Variants in EMC3 observed in about 807,000 individuals in gnomAD.
EMC3 encodes the protein ER membrane protein complex subunit 3, also known as 30 kDa protein.
In EMC3, 13 loss-of-function variants were observed where a neutral mutation model predicts 36.6. The observed-to-expected ratio is 0.35, with a 90% CI of 0.23 to 0.56. The LOEUF (loss-of-function observed/expected upper bound fraction) is 0.56. Among genes scored for constraint, EMC3 ranks in the 20% least tolerant of loss-of-function variants. EMC3 has a pLI of 0.84. For synonymous variants in EMC3, 120 were observed against 111.9 expected (o/e 1.07, Z -0.46); for missense variants, 220 against 324.5 (o/e 0.68, Z 2.47).
At chr3:9,995,133 G>C in intron 1 of EMC3, among the ~76,000 whole-genome samples, 1 of 152,162 alleles carries the variant, frequency 6.6e-6, no homozygotes, top group Admixed American at 6.5e-5. Context: ...TGGAGTGACG[G>C]TATAAAGGGA....
At chr3:9,998,766 TG>T (rs746325895) in intron 1 of EMC3, among the ~76,000 whole-genome samples, 20 of 152,198 alleles carry the variant, frequency 1.3e-4, no homozygotes, top group South Asian at 6.2e-4. Flanking sequence ...TTGTTTGTTT[TG>T]TTTTTCAGAG....
intron 5 of EMC3, among the ~76,000 whole-genome samples, chr3:9,972,462 G>GAAA (rs34891720): frequency 1.3e-4 from 12 of 90,716 alleles, no homozygotes; most frequent in East Asian, 3.5e-4. Flanking sequence ...GAGTTTCAAT[G>GAAA]AAAAAAAAAA....
upstream of EMC3, chr3:9,988,043 C>T (rs2085999957): frequency 1.4e-6 from 1 of 694,680 alleles, no homozygotes. Flanking sequence ...CCCTTTTCCT[C>T]ACATAGGATG....
intron 1 of EMC3, chr3:10,006,661 G>C (rs2124942676): frequency 5.0e-6 from 1 of 201,770 alleles, no homozygotes; most frequent in East Asian, 1.7e-4. Flanking sequence ...ATGGGAGGGG[G>C]GTTGTCAGTT....
At position 9,973,710 on chromosome 3, in the gene EMC3, C is replaced by A; in HGVS notation, c.413-1G>T. The stretch of plus-strand genomic sequence containing the variant: ...AGGGTCAGTGGAAATGGGACCTTGG[C>A]TGCAGAGAAGAAAAAGTTCACAATC... On this transcript the variant is annotated splice_acceptor_variant, in intron 4 of 7. Transcript: ENST00000245046. LOFTEE classifies it high-confidence loss of function. 1 of 1,613,930 alleles carries A rather than the reference C, an allele frequency of 6.2e-7. No individual in the cohort carries two copies. The highest frequency in any genetic ancestry group is 8.5e-7 in the Non-Finnish European group (1 of 1,179,842).
chr3:9,973,158 A>AT (rs1252517686), intron 5 of EMC3, among the ~76,000 whole-genome samples: 1 of 148,940 alleles, frequency 6.7e-6, no homozygotes, highest in Non-Finnish European at 1.5e-5. Context: ...CTGGTTTTAG[A>AT]TTTTGGTTTG....
intron 1 of EMC3, among the ~76,000 whole-genome samples, chr3:9,977,803 G>C (rs2085865423): frequency 6.6e-6 from 1 of 152,088 alleles, no homozygotes; most frequent in South Asian, 2.1e-4. Flanking sequence ...TCTGGGGTCA[G>C]GAGAAAGGGA....
intron 7 of EMC3, among the ~76,000 whole-genome samples, chr3:9,965,450 ATAG>A (rs2085728152): frequency 2.0e-5 from 3 of 152,104 alleles, no homozygotes; most frequent in Non-Finnish European, 4.4e-5. Context: ...AGATAGATAG[ATAG>A]ATAGATAGAA....
At chr3:9,971,741 T>C (rs1353201228) in intron 5 of EMC3, among the ~76,000 whole-genome samples, 2 of 152,242 alleles carry the variant, frequency 1.3e-5, no homozygotes, top group Admixed American at 6.5e-5. Flanking sequence ...TTTTCTTCTC[T>C]AGCAGAACTG....
Position 9,986,788 on chromosome 3 carries a change from T to A in EMC3, c.-127A>T. The A allele has an allele frequency of 6.7e-7, 1 of 1,483,532 alleles. No homozygotes were observed. The highest frequency in any genetic ancestry group is 9.0e-7 in the Non-Finnish European group (1 of 1,116,872). 91.9% of individuals were successfully genotyped at this position (1,483,532 alleles called of 1,614,324 possible). On this transcript the variant is annotated 5_prime_UTR_variant, in exon 1 of 8. Coordinates refer to ENST00000245046, the MANE Select transcript of EMC3 (RefSeq NM_001394674.1). ...TTGCCCGTGTACCCCAGAACTCTCCTGCGACTGTGAGCCGAGCTTACTGCC... is the reference window on the plus strand; with the variant it reads ...TTGCCCGTGTACCCCAGAACTCTCCAGCGACTGTGAGCCGAGCTTACTGCC...
At chr3:9,986,863 C>A, upstream of EMC3, 1 of 1,372,096 alleles carries the variant, frequency 7.3e-7, no homozygotes, top group Non-Finnish European at 9.4e-7. Context: ...GTTGACGTCA[C>A]GTCGTGGCGC....
At chr3:9,964,851 G>A (rs758239104) in intron 7 of EMC3, among the ~76,000 whole-genome samples, 1 of 152,140 alleles carries the variant, frequency 6.6e-6, no homozygotes, top group Admixed American at 6.5e-5. Flanking sequence ...AATATGTTGA[G>A]CAGAAATAAA....
intron 1 of EMC3, chr3:10,004,399 CAAAG>C (rs1217886797): frequency 1.3e-5 from 2 of 152,260 alleles, no homozygotes; most frequent in Non-Finnish European, 2.9e-5. Context: ...CTGTGGCAAT[CAAAG>C]AAAAATTATT....
intron 7 of EMC3, among the ~76,000 whole-genome samples, chr3:9,966,458 T>C (rs1371013415): frequency 6.6e-6 from 1 of 152,112 alleles, no homozygotes; most frequent in Non-Finnish European, 1.5e-5. Flanking sequence ...TCTGACCTTG[T>C]GATCCACCCA....
At chr3:9,983,255 C>A (rs1406017317) in intron 1 of EMC3, among the ~76,000 whole-genome samples, 1 of 151,490 alleles carries the variant, frequency 6.6e-6, no homozygotes, top group Admixed American at 6.6e-5. Flanking sequence ...TCATGTGATT[C>A]TCCTGCCTCA....
upstream of EMC3, chr3:9,988,823 G>A: frequency 2.1e-6 from 2 of 956,300 alleles, no homozygotes; most frequent in Non-Finnish European, 3.3e-6. Flanking sequence ...CCTTCCCACT[G>A]TCTTTCTTTC....
At position 9,965,496 on chromosome 3, in the gene EMC3, C is replaced by G. The variant is rs186605937; in HGVS notation, c.658-1299G>C. The stretch of plus-strand genomic sequence containing the variant: ...ATTTAATGTGAAATACAAATGTTAG[C>G]TCATGAGTGAGTTTTTCAGATATAA... On this transcript the variant is annotated intron_variant, in intron 7 of 7. Coordinates refer to ENST00000245046, the MANE Select transcript of EMC3 (RefSeq NM_001394674.1). Among the ~76,000 whole-genome samples, 99 of 152,200 alleles carry G rather than the reference C, an allele frequency of 6.5e-4. 1 individual carries two copies. Among genetic ancestry groups the G allele is most frequent in the Non-Finnish European group, 6.8e-4 (46 of 68,014 alleles).
At chr3:9,990,357 C>G (rs1428731081), upstream of EMC3, among the ~76,000 whole-genome samples, 3 of 99,056 alleles carry the variant, frequency 3.0e-5, no homozygotes, top group Non-Finnish European at 5.3e-5. Context: ...TTTTAAGAGA[C>G]TAAGTCTTGC....
At chr3:9,996,067 G>T (rs1363186929) in intron 1 of EMC3, among the ~76,000 whole-genome samples, 1 of 152,144 alleles carries the variant, frequency 6.6e-6, no homozygotes, top group Non-Finnish European at 1.5e-5. Context: ...AACTGTTCAG[G>T]TTCTGAGTGC....
Sources: gnomAD v4.1 joint callset for allele counts (sites outside exome capture counted in the v4.1 genomes callset) on GRCh38, gnomAD v4.1.1 for gene constraint, MANE v1.5 for transcripts, NCBI Gene and HGNC (gene_info 2026-07-23, HGNC 2026-07-21) for gene names.